The following PTK7 variants were observed in gnomAD, a reference collection of about 807,000 sequenced individuals.
PTK7 encodes the protein inactive tyrosine-protein kinase 7.
Under a neutral mutation model 116.6 loss-of-function variants are expected in PTK7, and 39 were observed. The ratio of observed to expected loss-of-function variants is 0.33; its 90% CI spans 0.26 to 0.44. The LOEUF (loss-of-function observed/expected upper bound fraction) is 0.44. Among genes scored for constraint, PTK7 ranks in the 20% least tolerant of loss-of-function variants. The pLI is 1.00. For synonymous variants in PTK7, 546 were observed against 563.6 expected, an observed-to-expected ratio of 0.97 and a Z score of 0.44; for missense variants, 1,169 against 1,425.6, an observed-to-expected ratio of 0.82 and a Z score of 2.90.
rs1770381818 is a variant in PTK7, at chr6:43,141,193, A to G, written c.1619-475A>G. Among the ~76,000 whole-genome samples the G allele has an allele frequency of 6.6e-6, 1 of 152,164 alleles. No homozygotes were observed. Among genetic ancestry groups the G allele is most frequent in the African/African-American group, 2.4e-5 (1 of 41,436 alleles). On this transcript the variant is annotated intron_variant, in intron 10 of 19. Coordinates refer to ENST00000230419, the MANE Select transcript of PTK7 (RefSeq NM_002821.5). The surrounding 1 kb of genome is among the most constrained non-coding windows in gnomAD (Gnocchi z 4.9). Reference sequence around the variant, plus strand: ...TATAGCCCTTGATGTGAGTTGCCAAATTATTTTTTAAAAGGTTGGACCAAT... The same window carrying G: ...TATAGCCCTTGATGTGAGTTGCCAAGTTATTTTTTAAAAGGTTGGACCAAT...
At chr6:43,077,087 C>T (rs1766079598) in intron 1 of PTK7, 1 of 1,236,610 alleles carries the variant, frequency 8.1e-7, no homozygotes, top group Non-Finnish European at 1.0e-6. Flanking sequence ...GGCTTCCCTC[C>T]TCCGAGTTCC....
At chr6:43,133,823 T>C (rs1172907442) in intron 7 of PTK7, 1 of 152,226 alleles carries the variant, frequency 6.6e-6, no homozygotes, top group Non-Finnish European at 1.5e-5. Context: ...AATATGAAAG[T>C]GGCTTTGTAA....
chr6:43,118,686 T>C (rs1768749317), intron 1 of PTK7, among the ~76,000 whole-genome samples: 1 of 114,852 alleles, frequency 8.7e-6, no homozygotes, highest in South Asian at 3.0e-4. Flanking sequence ...TATATATATA[T>C]ATGTATATAT....
intron 17 of PTK7, among the ~76,000 whole-genome samples, chr6:43,158,071 G>A (rs548811104): frequency 1.3e-4 from 20 of 152,172 alleles, no homozygotes; most frequent in Non-Finnish European, 2.4e-4. Context: ...GGCCGAGGCG[G>A]GCGGATCACA....
chr6:43,158,421 T>G (rs944333382), intron 17 of PTK7, among the ~76,000 whole-genome samples: 2 of 152,104 alleles, frequency 1.3e-5, no homozygotes. Flanking sequence ...TGAGCTGTGA[T>G]CATGTCACTG....
At chr6:43,097,421 C>G (rs1767324033) in intron 1 of PTK7, among the ~76,000 whole-genome samples, 1 of 152,126 alleles carries the variant, frequency 6.6e-6, no homozygotes, top group Non-Finnish European at 1.5e-5. Context: ...AGGACAAATT[C>G]CTGGAAGTGG....
chr6:43,139,015 G>A lies in PTK7; in HGVS notation c.1362+33G>A, dbSNP rs751901454. 1.4e-5 allele frequency: 22 copies of A among 1,608,864 alleles called. 1 individual carries two copies. The East Asian group carries it at 1.8e-4, about 13-fold the overall frequency. On this transcript the variant is annotated intron_variant, in intron 8 of 19. Transcript: ENST00000230419. This position sits in a 1 kb window ranked among gnomAD's most constrained non-coding sequence, Gnocchi z 4.6. The stretch of plus-strand genomic sequence containing the variant: ...AGAAGAGTGTTGCTAGTGGATGGGC[G>A]GGGCCTTCCCTCCACTTGCCCTCTT...
At chr6:43,117,655 C>T (rs945987657) in intron 1 of PTK7, among the ~76,000 whole-genome samples, 3 of 152,062 alleles carry the variant, frequency 2.0e-5, no homozygotes, top group Non-Finnish European at 2.9e-5. Context: ...CGGTGGTTCA[C>T]GCCAGTCCCA....
chr6:43,082,589 C>G (rs1296458145), intron 1 of PTK7, among the ~76,000 whole-genome samples: 1 of 152,188 alleles, frequency 6.6e-6, no homozygotes, highest in African/African-American at 2.4e-5. Flanking sequence ...TTTCCTGTTG[C>G]AACAGTATAA....
intron 17 of PTK7, among the ~76,000 whole-genome samples, chr6:43,157,378 T>TTTTTTTTC (rs1771562879): frequency 2.5e-5 from 2 of 79,816 alleles, no homozygotes; most frequent in Non-Finnish European, 5.1e-5. Context: ...TTTTTTTTCT[T>TTTTTTTTC]TTTTTTTTTT....
chr6:43,114,291 T>G (rs990766232), intron 1 of PTK7, among the ~76,000 whole-genome samples: 1 of 152,204 alleles, frequency 6.6e-6, no homozygotes, highest in Non-Finnish European at 1.5e-5. Flanking sequence ...TCTCTGCATG[T>G]TGATCTCTCA....
Position 43,132,227 on chromosome 6 carries a change from G to T in PTK7, c.961+63G>T. On this transcript the variant is annotated intron_variant, in intron 6 of 19. Coordinates refer to ENST00000230419, the MANE Select transcript of PTK7 (RefSeq NM_002821.5). Reference sequence around the variant, plus strand: ...GCCTTTAACATTTTTGGCACATAGAGATTTAGGCTTCTGTTTTTACTCAGC... The same window carrying T: ...GCCTTTAACATTTTTGGCACATAGATATTTAGGCTTCTGTTTTTACTCAGC... 6 of 1,541,268 alleles carry T rather than the reference G, an allele frequency of 3.9e-6. No individual in the cohort carries two copies. In the South Asian group the frequency reaches 7.5e-5, roughly 19 times the overall value.
intron 1 of PTK7, among the ~76,000 whole-genome samples, chr6:43,126,741 G>A (rs1343158202): frequency 6.6e-6 from 1 of 152,206 alleles, no homozygotes; most frequent in Non-Finnish European, 1.5e-5. Flanking sequence ...TCTGTACCAC[G>A]GTGCTGAGCA....
chr6:43,120,032 C>T (rs1768866922), intron 1 of PTK7, among the ~76,000 whole-genome samples: 1 of 152,232 alleles, frequency 6.6e-6, no homozygotes, highest in African/African-American at 2.4e-5. Flanking sequence ...TGTGTCTATA[C>T]TTAATGTGAA....
intron 1 of PTK7, among the ~76,000 whole-genome samples, chr6:43,124,747 C>T (rs1448046947): frequency 6.6e-6 from 1 of 152,232 alleles, no homozygotes; most frequent in Non-Finnish European, 1.5e-5. Flanking sequence ...AGGCTGGGCA[C>T]ACCACAGACT....
At chr6:43,116,647 T>TGC (rs1417461604) in intron 1 of PTK7, among the ~76,000 whole-genome samples, 13 of 74,330 alleles carry the variant, frequency 1.7e-4, no homozygotes, top group African/African-American at 8.0e-4. Flanking sequence ...TGTGTGTGTG[T>TGC]GTGTGCGCGC....
intron 1 of PTK7, among the ~76,000 whole-genome samples, chr6:43,105,450 CAAAAAAA>C (rs34623759): frequency 0.015 from 1,443 of 93,436 alleles, 10 homozygotes; most frequent in Non-Finnish European, 0.022. Context: ...AACTGTATAG[CAAAAAAA>C]AAAAAAAAAA....
At chr6:43,119,750 G>A (rs939668621) in intron 1 of PTK7, among the ~76,000 whole-genome samples, 1 of 152,162 alleles carries the variant, frequency 6.6e-6, no homozygotes, top group Admixed American at 6.5e-5. Flanking sequence ...TATTATTTCT[G>A]CAGGCTCCTC....
chr6:43,146,499 T>C (rs1461938800), intron 16 of PTK7, 119 bp from the exon 17 acceptor site: 1 of 854,918 alleles, frequency 1.2e-6, no homozygotes, highest in Non-Finnish European at 1.9e-6. Flanking sequence ...GGGCCCAGGC[T>C]AGCTTAGGCC....
Sources: gnomAD v4.1 joint callset for allele counts (sites outside exome capture counted in the v4.1 genomes callset) on GRCh38, gnomAD v4.1.1 for gene constraint, Gnocchi (gnomAD v3.1) non-coding constraint, MANE v1.5 for transcripts, NCBI Gene and HGNC (gene_info 2026-07-23, HGNC 2026-07-21) for gene names.